The following KCNB2 variants were observed in gnomAD, a reference collection of about 807,000 sequenced individuals.
KCNB2 encodes the protein delayed rectifier potassium channel protein.
KCNB2 carries 15 observed loss-of-function variants against 61.5 expected under a neutral mutation model. The observed-to-expected ratio is 0.24, with a 90% confidence interval of 0.16 to 0.38. The LOEUF is 0.38. Among genes scored for constraint, KCNB2 ranks in the 10% least tolerant of loss-of-function variants. KCNB2 has a pLI of 1.00. For missense variants in KCNB2, 828 were observed against 1,125.2 expected (o/e 0.74, Z 3.78); for synonymous variants, 457 against 446.0 (o/e 1.02, Z -0.31).
chr8:72,597,832 G>A (rs1464751753), intron 2 of KCNB2, among the ~76,000 whole-genome samples: 4 of 152,262 alleles, frequency 2.6e-5, no homozygotes, highest in East Asian at 3.9e-4. Context: ...AATTAAACAA[G>A]TGCTAATGAG....
intron 1 of KCNB2, among the ~76,000 whole-genome samples, chr8:72,564,279 C>A (rs2128978626): frequency 6.6e-6 from 1 of 152,218 alleles, no homozygotes; most frequent in African/African-American, 2.4e-5. Flanking sequence ...TCACACCATG[C>A]CTTTGCCACA....
At chr8:72,577,855 A>G (rs910555558) in intron 2 of KCNB2, among the ~76,000 whole-genome samples, 1 of 152,180 alleles carries the variant, frequency 6.6e-6, no homozygotes, top group South Asian at 2.1e-4. Flanking sequence ...CCTTCAAGTC[A>G]TCGTTTTAGC....
intron 2 of KCNB2, among the ~76,000 whole-genome samples, chr8:72,804,700 C>T (rs1472037635): frequency 1.3e-5 from 2 of 152,244 alleles, no homozygotes; most frequent in South Asian, 2.1e-4. Flanking sequence ...AAAAGAATGG[C>T]AATTAAGTTC....
At chr8:72,774,750 T>C (rs1808618023) in intron 2 of KCNB2, among the ~76,000 whole-genome samples, 1 of 152,136 alleles carries the variant, frequency 6.6e-6, no homozygotes, top group Non-Finnish European at 1.5e-5. Context: ...TATAAATTTA[T>C]ATTACCCTGA....
chr8:72,550,892 C>G (rs1241002993), intron 1 of KCNB2, among the ~76,000 whole-genome samples: 1 of 152,170 alleles, frequency 6.6e-6, no homozygotes, highest in Non-Finnish European at 1.5e-5. Flanking sequence ...TTTGGAGATT[C>G]AGACAGGCAG....
chr8:72,839,245 A>G (rs1019243300), intron 2 of KCNB2, among the ~76,000 whole-genome samples: 2 of 152,078 alleles, frequency 1.3e-5, no homozygotes, highest in African/African-American at 2.4e-5. Context: ...ATGTAGTCTT[A>G]TTTTTAATAT....
intron 2 of KCNB2, among the ~76,000 whole-genome samples, chr8:72,764,873 C>A (rs1808437788): frequency 6.6e-6 from 1 of 152,120 alleles, no homozygotes; most frequent in African/African-American, 2.4e-5. Flanking sequence ...CTATTCTGGG[C>A]AAAATATATC....
At chr8:72,600,810 G>A (rs1331857210) in intron 2 of KCNB2, among the ~76,000 whole-genome samples, 1 of 151,950 alleles carries the variant, frequency 6.6e-6, no homozygotes, top group African/African-American at 2.4e-5. Context: ...ATGCATAGAG[G>A]GGAACAACAA....
chr8:72,821,982 C>T (rs1005900138), intron 2 of KCNB2, among the ~76,000 whole-genome samples: 1 of 152,150 alleles, frequency 6.6e-6, no homozygotes, highest in African/African-American at 2.4e-5. Context: ...ACCCTCATCC[C>T]CTTTCCTCCA....
intron 2 of KCNB2, among the ~76,000 whole-genome samples, chr8:72,670,236 C>T (rs553628852): frequency 2.0e-3 from 310 of 152,326 alleles, no homozygotes; most frequent in African/African-American, 6.8e-3. Flanking sequence ...CAGCAAGTTG[C>T]TTCTAATGAG....
At chr8:72,924,496 G>T (rs763209503) in intron 2 of KCNB2, among the ~76,000 whole-genome samples, 1 of 152,300 alleles carries the variant, frequency 6.6e-6, no homozygotes, top group East Asian at 1.9e-4. Context: ...CTGAGATTCT[G>T]CATTTCTAAT....
intron 2 of KCNB2, among the ~76,000 whole-genome samples, chr8:72,933,436 C>T (rs188977867): frequency 2.0e-5 from 3 of 152,312 alleles, no homozygotes; most frequent in Admixed American, 2.0e-4. Flanking sequence ...AAGTGATAAA[C>T]ACATGTCAGT....
intron 2 of KCNB2, among the ~76,000 whole-genome samples, chr8:72,741,667 C>T (rs1807962632): frequency 2.6e-5 from 4 of 152,054 alleles, no homozygotes; most frequent in Non-Finnish European, 5.9e-5. Context: ...GAGCATATGA[C>T]ATTTGGTTTT....
chr8:72,682,103 T>C (rs1041222366), intron 2 of KCNB2, among the ~76,000 whole-genome samples: 5 of 152,230 alleles, frequency 3.3e-5, no homozygotes, highest in Non-Finnish European at 7.3e-5. Context: ...GATAGCATGT[T>C]ACTATTAACC....
intron 1 of KCNB2, among the ~76,000 whole-genome samples, chr8:72,555,941 A>G (rs927267481): frequency 1.3e-5 from 2 of 152,048 alleles, no homozygotes; most frequent in African/African-American, 2.4e-5. Flanking sequence ...ACTCCTTTCA[A>G]TGAGAATAAT....
At chr8:72,696,343 G>T (rs1371357336) in intron 2 of KCNB2, among the ~76,000 whole-genome samples, 2 of 152,090 alleles carry the variant, frequency 1.3e-5, no homozygotes, top group African/African-American at 2.4e-5. Context: ...AGGATAATTC[G>T]CAAGCAAGAG....
In KCNB2 at chr8:72,537,343, C is replaced by G. The variant is rs1422806784; in HGVS notation, c.-636C>G. 3 of 150,054 alleles carry G rather than the reference C, an allele frequency of 2.0e-5. No individual in the cohort carries two copies. The highest frequency in any genetic ancestry group is 4.4e-5 in the Non-Finnish European group (3 of 67,504). 9.3% of individuals were successfully genotyped at this position (150,054 alleles called of 1,614,324 possible). A position where few individuals can be genotyped will look rare whatever the true frequency, so the allele number is the denominator to read the frequency against. ...CTGCTCCGCCACAGACACACACCCA[C>G]CAAGCACCCACCGCCCTCCGCCCTC... On this transcript the variant is annotated 5_prime_UTR_variant, in exon 1 of 3. Transcript: ENST00000523207.
chr8:72,703,772 C>T (rs1284584010), intron 2 of KCNB2, among the ~76,000 whole-genome samples: 5 of 152,156 alleles, frequency 3.3e-5, no homozygotes, highest in African/African-American at 1.2e-4. Context: ...ATGGGAGTAG[C>T]TCTGGGACAA....
At chr8:72,688,288 T>G (rs543493785) in intron 2 of KCNB2, among the ~76,000 whole-genome samples, 2 of 152,314 alleles carry the variant, frequency 1.3e-5, no homozygotes. Flanking sequence ...AACTGATTTC[T>G]TATTGTTCTC....
Sources: allele counts gnomAD v4.1 joint callset (sites outside exome capture counted in the v4.1 genomes callset), GRCh38; gene constraint gnomAD v4.1.1; transcripts MANE v1.5; gene names NCBI Gene and HGNC (gene_info 2026-07-23, HGNC 2026-07-21).